The following MAP3K7CL variants were observed in gnomAD, a reference collection of about 807,000 sequenced individuals.
The protein encoded by MAP3K7CL is MAP3K7 C-terminal-like protein.
Under a neutral mutation model 18.6 loss-of-function variants are expected in MAP3K7CL, and 16 were observed. The observed-to-expected ratio is 0.86, with a 90% confidence interval of 0.58 to 1.31. MAP3K7CL has a LOEUF of 1.31. MAP3K7CL is among the 50% of genes most tolerant of loss of function. MAP3K7CL has a pLI of 0.00. For synonymous variants in MAP3K7CL, 65 were observed against 66.8 expected (o/e 0.97, Z 0.13); for missense variants, 163 against 174.4 (o/e 0.93, Z 0.37).
At chr21:29,149,986 C>G (rs577899476) in intron 3 of MAP3K7CL, among the ~76,000 whole-genome samples, 1 of 152,308 alleles carries the variant, frequency 6.6e-6, no homozygotes, top group African/African-American at 2.4e-5. Flanking sequence ...TTAGGCAAGT[C>G]CAATAGGGGT....
upstream of MAP3K7CL, among the ~76,000 whole-genome samples, chr21:29,083,486 ATGGATGTC>A (rs2085871157): frequency 6.6e-6 from 1 of 152,200 alleles, no homozygotes; most frequent in Non-Finnish European, 1.5e-5. Context: ...CCTGTTTTTG[ATGGATGTC>A]AATCATTTCA....
intron 4 of MAP3K7CL, among the ~76,000 whole-genome samples, chr21:29,094,406 A>G (rs574129498): frequency 6.6e-6 from 1 of 152,308 alleles, no homozygotes; most frequent in Non-Finnish European, 1.5e-5. Context: ...TCTGATTCAG[A>G]AAGTCTAGGG....
intron 2 of MAP3K7CL, 51 bp from the exon 3 acceptor site, chr21:29,149,138 C>G: frequency 1.3e-6 from 2 of 1,502,970 alleles, no homozygotes; most frequent in Non-Finnish European, 1.9e-6. Flanking sequence ...TCCAAGGACT[C>G]CTACAAGAAA....
chr21:29,078,763 C>A (rs940960606), intron 1 of MAP3K7CL, among the ~76,000 whole-genome samples: 1 of 152,130 alleles, frequency 6.6e-6, no homozygotes, highest in African/African-American at 2.4e-5. Context: ...ACTCTTCTGC[C>A]TTTTATCTAT....
In MAP3K7CL at chr21:29,089,895, AAAG is replaced by A. The variant is rs752955372; in HGVS notation, c.58-1605_58-1603del. 7.1e-4 allele frequency among the ~76,000 whole-genome samples: 108 copies of A among 151,314 alleles called. 1 individual carries two copies. The highest frequency in any genetic ancestry group is 3.5e-3 in the Admixed American group (53 of 15,230). The stretch of plus-strand genomic sequence containing the variant: ...GAAGAGAGGGAGGGAGGAAGGGAAA[AAAG>A]GAGAAAGGAAGGGAGTAAGGAGAAT... On this transcript the variant is annotated intron_variant, in intron 1 of 6. Transcript: ENST00000286791.
chr21:29,086,473 G>C (rs2085927902), intron 1 of MAP3K7CL, among the ~76,000 whole-genome samples: 2 of 152,160 alleles, frequency 1.3e-5, no homozygotes, highest in African/African-American at 4.8e-5. Flanking sequence ...ATGCTCTGGG[G>C]GAAATTAAGG....
Position 29,091,671 on chromosome 21 carries a change from T to TG in MAP3K7CL, c.139dup (p.Glu47GlyfsTer11), listed in dbSNP as rs1255105719. On this transcript the variant is annotated frameshift_variant, in exon 3 of 7. Transcript: ENST00000286791. LOFTEE classifies it high-confidence loss of function. ...TTTCTTTCTTTTTTTTTCATAGAGATGGAGTCTCGCTATTTTGCCCAGGTT... is the reference window on the plus strand; with the variant it reads ...TTTCTTTCTTTTTTTTTCATAGAGATGGGAGTCTCGCTATTTTGCCCAGGTT... 5.3e-5 allele frequency: 37 copies of TG among 701,992 alleles called. No homozygotes were observed. The East Asian group carries it at 9.4e-4, about 18-fold the overall frequency. The allele number at this position is 701,992 out of a possible 1,614,324, so 43.5% of individuals were successfully genotyped here.
At chr21:29,104,648 C>A (rs2086289452) in intron 4 of MAP3K7CL, among the ~76,000 whole-genome samples, 1 of 152,192 alleles carries the variant, frequency 6.6e-6, no homozygotes, top group Non-Finnish European at 1.5e-5. Flanking sequence ...TATTTGGAAT[C>A]ACACACAGGA....
intron 1 of MAP3K7CL, among the ~76,000 whole-genome samples, chr21:29,089,052 C>T (rs7283930): frequency 0.61 from 92,772 of 151,640 alleles, 30,661 homozygotes; most frequent in South Asian, 0.8. Flanking sequence ...TGCCTGTAGT[C>T]CCAGCTACCT....
intron 4 of MAP3K7CL, among the ~76,000 whole-genome samples, chr21:29,124,541 C>T (rs993201868): frequency 1.3e-5 from 2 of 152,126 alleles, no homozygotes; most frequent in Non-Finnish European, 2.9e-5. Context: ...ACACACATCA[C>T]GTTATTCCCA....
At chr21:29,167,763 G>A (rs187594294) in intron 4 of MAP3K7CL, among the ~76,000 whole-genome samples, 1 of 144,534 alleles carries the variant, frequency 6.9e-6, no homozygotes, top group East Asian at 2.1e-4. Flanking sequence ...GCAGTGGCGC[G>A]ATCTCGGCTC....
intron 3 of MAP3K7CL, 92 bp from the exon 4 acceptor site, chr21:29,159,849 A>G: frequency 1.1e-6 from 1 of 919,748 alleles, no homozygotes. Context: ...AAGAAGAAAA[A>G]ACCTTCGTTT....
At chr21:29,164,961 CATTTT>C (rs1376230042) in intron 4 of MAP3K7CL, among the ~76,000 whole-genome samples, 1 of 152,032 alleles carries the variant, frequency 6.6e-6, no homozygotes, top group East Asian at 1.9e-4. Context: ...ATATTATAAG[CATTTT>C]TCTACAACAT....
chr21:29,128,518 G>T (rs1450695208), upstream of MAP3K7CL, among the ~76,000 whole-genome samples: 1 of 152,050 alleles, frequency 6.6e-6, no homozygotes, highest in Non-Finnish European at 1.5e-5. Context: ...TAGCCAGGAT[G>T]GTCTCGATCT....
At chr21:29,121,880 TC>T (rs2086600032) in intron 4 of MAP3K7CL, among the ~76,000 whole-genome samples, 1 of 151,904 alleles carries the variant, frequency 6.6e-6, no homozygotes. Flanking sequence ...CTCAGCACTT[TC>T]CTCACAATGT....
In MAP3K7CL at chr21:29,159,919, TTTC is replaced by T. The variant is rs749600040; in HGVS notation, c.133-16_133-14del. Reference sequence around the variant, plus strand: ...ATCCTGATGCAAAGAAATGGACTAATTTCTTCTTGTTGTTTGTGAAGCCCCTGC... The same window carrying T: ...ATCCTGATGCAAAGAAATGGACTAATTTCTTGTTGTTTGTGAAGCCCCTGC... On this transcript the variant is annotated intron_variant, in intron 3 of 4. Coordinates refer to ENST00000399928, the MANE Select transcript of MAP3K7CL (RefSeq NM_001286620.2). 6.3e-7 allele frequency: 1 copy of T among 1,593,640 alleles called. No homozygotes were observed. The highest frequency in any genetic ancestry group is 8.6e-7 in the Non-Finnish European group (1 of 1,163,040).
At chr21:29,165,149 A>G (rs1243779074) in intron 4 of MAP3K7CL, among the ~76,000 whole-genome samples, 2 of 152,208 alleles carry the variant, frequency 1.3e-5, no homozygotes, top group Non-Finnish European at 2.9e-5. Flanking sequence ...AATCAACTGT[A>G]AAGTTTGCTT....
At chr21:29,107,879 A>G (rs1032522044) in intron 4 of MAP3K7CL, among the ~76,000 whole-genome samples, 1 of 152,178 alleles carries the variant, frequency 6.6e-6, no homozygotes, top group African/African-American at 2.4e-5. Flanking sequence ...CTGCAACTTC[A>G]TAATATTCAT....
chr21:29,091,079 C>T (rs1362560570), intron 1 of MAP3K7CL, among the ~76,000 whole-genome samples: 4 of 152,054 alleles, frequency 2.6e-5, no homozygotes, highest in Non-Finnish European at 5.9e-5. Flanking sequence ...ATTTACAGCA[C>T]CTCTCCTCTT....
Sources: gnomAD v4.1 joint callset for allele counts (sites outside exome capture counted in the v4.1 genomes callset) on GRCh38, gnomAD v4.1.1 for gene constraint, MANE v1.5 for transcripts, NCBI Gene and HGNC (gene_info 2026-07-23, HGNC 2026-07-21) for gene names.